Variants in SCAPER observed in about 807,000 individuals in gnomAD.
SCAPER encodes S-phase cyclin A associated protein in the ER.
In SCAPER, 98 loss-of-function variants were observed where a neutral mutation model predicts 182.2. The observed-to-expected ratio is 0.54, with a 90% confidence interval of 0.46 to 0.64. SCAPER has a LOEUF of 0.64. Ranked by LOEUF, SCAPER falls within the 30% of genes least tolerant of loss-of-function variation. The pLI is 0.00. For missense variants in SCAPER, 1,432 were observed against 1,690.0 expected (o/e 0.85, Z 2.68); for synonymous variants, 605 against 564.6 (o/e 1.07, Z -1.01).
chr15:76,635,337 A>G (rs1351049313), intron 21 of SCAPER, among the ~76,000 whole-genome samples: 2 of 152,276 alleles, frequency 1.3e-5, no homozygotes, highest in East Asian at 3.9e-4. Flanking sequence ...CACATCTTTG[A>G]GATGTGGGAG....
chr15:76,726,155 A>ATATAT (rs1491513286), intron 17 of SCAPER, among the ~76,000 whole-genome samples: 15 of 97,292 alleles, frequency 1.5e-4, no homozygotes, highest in East Asian at 3.0e-4. Flanking sequence ...ATATATATAT[A>ATATAT]AAAAACTCTA....
intron 8 of SCAPER, among the ~76,000 whole-genome samples, chr15:76,787,736 G>A (rs1244982233): frequency 6.6e-6 from 1 of 152,016 alleles, no homozygotes; most frequent in Non-Finnish European, 1.5e-5. Flanking sequence ...CACAGATTTA[G>A]TAATAAAATT....
At chr15:76,348,893 T>C in intron 31 of SCAPER, 157 bp from the exon 32 acceptor site, 1 of 540,446 alleles carries the variant, frequency 1.9e-6, no homozygotes, top group Non-Finnish European at 3.4e-6. Context: ...GATTGATCTA[T>C]ATGTATCAAT....
intron 23 of SCAPER, among the ~76,000 whole-genome samples, chr15:76,563,749 T>TGCAAAATTCTCA (rs1388897095): frequency 1.3e-5 from 2 of 152,122 alleles, no homozygotes; most frequent in South Asian, 2.1e-4. Flanking sequence ...AGAACATCAA[T>TGCAAAATTCTCA]GCAAAATTCT....
intron 23 of SCAPER, among the ~76,000 whole-genome samples, chr15:76,551,808 C>T (rs1208032544): frequency 1.3e-5 from 2 of 151,950 alleles, no homozygotes; most frequent in African/African-American, 2.4e-5. Context: ...CACACTGTAC[C>T]CCCATAAATA....
intron 17 of SCAPER, among the ~76,000 whole-genome samples, chr15:76,718,743 G>T (rs949442972): frequency 3.4e-4 from 51 of 152,106 alleles, no homozygotes; most frequent in Middle Eastern, 3.4e-3. Context: ...TTTAAAATGG[G>T]TAAAGAATCG....
At chr15:76,551,027 A>G (rs2144942873) in intron 23 of SCAPER, among the ~76,000 whole-genome samples, 1 of 152,334 alleles carries the variant, frequency 6.6e-6, no homozygotes, top group East Asian at 1.9e-4. Context: ...GACCCCATCT[A>G]GAATGGCTAT....
intron 5 of SCAPER, among the ~76,000 whole-genome samples, chr15:76,809,988 G>C (rs1311230760): frequency 1.3e-5 from 2 of 152,208 alleles, no homozygotes; most frequent in East Asian, 3.9e-4. Context: ...TGTCAGCCAA[G>C]AAAATTATAC....
intron 21 of SCAPER, among the ~76,000 whole-genome samples, chr15:76,662,015 G>A (rs1469939504): frequency 6.6e-6 from 1 of 152,182 alleles, no homozygotes; most frequent in Non-Finnish European, 1.5e-5. Context: ...AAAGGAATGA[G>A]ATCAGGTCCT....
chr15:76,737,487 T>C lies in SCAPER; in HGVS notation c.1867-4103A>G, dbSNP rs182482249. Among the ~76,000 whole-genome samples, 361 of 152,364 alleles carry C rather than the reference T, an allele frequency of 2.4e-3. 2 individuals carry two copies. Among genetic ancestry groups the C allele is most frequent in the African/African-American group, 8.1e-3 (338 of 41,564 alleles). On this transcript the variant is annotated intron_variant, in intron 15 of 31. Coordinates refer to ENST00000563290, the MANE Select transcript of SCAPER (RefSeq NM_020843.4). ...GCTTTGTTGTTCCATTTATAGAGTA[T>C]AGACAGAATAGATTTAGCCTAATTC...
Position 76,892,139 on chromosome 15 carries a change from G to A in SCAPER, c.-59-8263C>T, listed in dbSNP as rs530441001. Among the ~76,000 whole-genome samples the A allele has an allele frequency of 5.3e-4, 81 of 152,212 alleles. 3 individuals carry two copies. The South Asian group carries it at 0.016, about 30-fold the overall frequency. ...TAGCCACATGCAGAAAGCTGAAAGT[G>A]GACCCCTTCCTTACACTTTATACAA... On this transcript the variant is annotated intron_variant, in intron 1 of 31. Coordinates refer to ENST00000563290, the MANE Select transcript of SCAPER (RefSeq NM_020843.4).
chr15:76,770,319 A>G (rs895270695), intron 10 of SCAPER, among the ~76,000 whole-genome samples: 41 of 152,134 alleles, frequency 2.7e-4, no homozygotes, highest in Non-Finnish European at 6.0e-4. Flanking sequence ...AAACCTGTAC[A>G]TTGTGCACAT....
At position 76,733,405 on chromosome 15, in the gene SCAPER, T is replaced by C. The variant is rs781286802; in HGVS notation, c.1867-21A>G. ...TTTACCTTTAAAAAAACAAAGAAGG[T>C]AAGGTTCAGATCAAGTTAATTCTAG... is the stretch of plus-strand genomic sequence containing the variant. On this transcript the variant is annotated intron_variant, in intron 15 of 31. Coordinates refer to ENST00000563290, the MANE Select transcript of SCAPER (RefSeq NM_020843.4). The C allele has an allele frequency of 1.9e-6, 3 of 1,608,198 alleles. No individual in the cohort carries two copies. The South Asian group carries it at 3.3e-5, about 18-fold the overall frequency.
intron 5 of SCAPER, 76 bp from the exon 6 acceptor site, chr15:76,804,709 A>C: frequency 6.8e-6 from 6 of 880,764 alleles, no homozygotes; most frequent in Non-Finnish European, 1.0e-5. Flanking sequence ...AGAGTGAACA[A>C]CTTAAGAATT....
chr15:76,521,768 C>T (rs1171990657), intron 23 of SCAPER, among the ~76,000 whole-genome samples: 1 of 152,078 alleles, frequency 6.6e-6, no homozygotes, highest in Non-Finnish European at 1.5e-5. Flanking sequence ...ATAAAAGTGG[C>T]ACACTGCTTT....
intron 2 of SCAPER, among the ~76,000 whole-genome samples, chr15:76,870,743 A>G (rs11072632): frequency 0.14 from 21,110 of 152,136 alleles, 2,117 homozygotes; most frequent in East Asian, 0.47. Context: ...TAAAAAGGTC[A>G]AACATAGAAG....
chr15:76,520,342 C>T (rs568037497), intron 23 of SCAPER, among the ~76,000 whole-genome samples: 153 of 152,240 alleles, frequency 1.0e-3, no homozygotes, highest in African/African-American at 3.5e-3. Flanking sequence ...ACCCAGCCTT[C>T]GAGTAGCTGG....
chr15:76,429,803 A>C (rs1446555958), intron 26 of SCAPER, among the ~76,000 whole-genome samples: 1 of 152,218 alleles, frequency 6.6e-6, no homozygotes, highest in Non-Finnish European at 1.5e-5. Context: ...ATTCAAGCCG[A>C]CTGCAGAAAT....
At chr15:76,464,546 G>C (rs1310596971) in intron 25 of SCAPER, among the ~76,000 whole-genome samples, 2 of 151,586 alleles carry the variant, frequency 1.3e-5, no homozygotes, top group Non-Finnish European at 2.9e-5. Context: ...TTTGATCCAT[G>C]TTTGGTTGAA....
Sources: allele counts gnomAD v4.1 joint callset (sites outside exome capture counted in the v4.1 genomes callset), GRCh38; gene constraint gnomAD v4.1.1; transcripts MANE v1.5; gene names NCBI Gene and HGNC (gene_info 2026-07-23, HGNC 2026-07-21).